The following USP34 variants were observed in gnomAD, a reference collection of about 807,000 sequenced individuals.
USP34 encodes the protein ubiquitin specific peptidase 34, also known as ubiquitin carboxyl-terminal hydrolase 34.
A neutral mutation model predicts 460.3 loss-of-function variants in USP34; 70 were observed. That is an observed-to-expected ratio of 0.15 (90% confidence interval 0.13 to 0.19). USP34 has a LOEUF of 0.19. USP34 is among the 10% of genes least tolerant of loss of function. USP34 has a pLI of 1.00. For synonymous variants in USP34, 1,647 were observed against 1,405.3 expected, an observed-to-expected ratio of 1.17 and a Z score of -3.85; for missense variants, 3,985 against 4,236.2, an observed-to-expected ratio of 0.94 and a Z score of 1.65.
chr2:61,279,992 CG>C, intron 39 of USP34, among the ~76,000 whole-genome samples: 1 of 152,204 alleles, frequency 6.6e-6, no homozygotes, highest in South Asian at 2.1e-4. Context: ...GTTACATCCA[CG>C]TATCTTACTG....
At chr2:61,190,033 T>G (rs1686583394) in intron 78 of USP34, 3 of 402,900 alleles carry the variant, frequency 7.4e-6, no homozygotes, top group Admixed American at 4.2e-5. Context: ...CACTAAGATG[T>G]TCCCTTTATT....
At chr2:61,353,121 T>C (rs1256161633) in intron 10 of USP34, among the ~76,000 whole-genome samples, 1 of 152,162 alleles carries the variant, frequency 6.6e-6, no homozygotes, top group Non-Finnish European at 1.5e-5. Flanking sequence ...ACAATACAGG[T>C]TTCTGGTACA....
At chr2:61,268,345 T>TC (rs1689114055) in intron 41 of USP34, among the ~76,000 whole-genome samples, 1 of 149,474 alleles carries the variant, frequency 6.7e-6, no homozygotes, top group African/African-American at 2.5e-5. Context: ...TGAGAGGTGT[T>TC]CGAGTCATCA....
intron 27 of USP34, among the ~76,000 whole-genome samples, chr2:61,304,286 T>C (rs1690333143): frequency 6.6e-6 from 1 of 152,206 alleles, no homozygotes; most frequent in South Asian, 2.1e-4. Flanking sequence ...CTCTCAGTCA[T>C]GATTAATTGC....
chr2:61,194,331 A>T, intron 75 of USP34: 2 of 981,714 alleles, frequency 2.0e-6, no homozygotes, highest in Non-Finnish European at 2.4e-6. Context: ...ACACATAGGT[A>T]AACAAGGACA....
At chr2:61,327,710 G>A (rs1357836487) in intron 20 of USP34, among the ~76,000 whole-genome samples, 6 of 152,050 alleles carry the variant, frequency 3.9e-5, no homozygotes, top group African/African-American at 7.2e-5. Context: ...GTATAGCCCC[G>A]ATGCTGCACT....
intron 43 of USP34, 86 bp from the exon 44 acceptor site, chr2:61,259,862 C>T (rs1359225528): frequency 2.1e-5 from 25 of 1,212,200 alleles, no homozygotes; most frequent in Non-Finnish European, 3.0e-5. Flanking sequence ...TTGCAATGTA[C>T]ACTGTATCTG....
intron 27 of USP34, among the ~76,000 whole-genome samples, chr2:61,307,794 T>C (rs533173290): frequency 6.6e-6 from 1 of 151,964 alleles, no homozygotes; most frequent in African/African-American, 2.4e-5. Context: ...ACCCCTGTAA[T>C]CCAAGGACTT....
rs988888326 is a variant in USP34, at chr2:61,213,660, T to C, written c.8682+400A>G. On this transcript the variant is annotated intron_variant, in intron 68 of 79. Coordinates refer to ENST00000398571, the MANE Select transcript of USP34 (RefSeq NM_014709.4). ...TGCGGAATACTACTAGTTTTAGATA[T>C]AAAATTGTCTAGCTCACAGTTTACC... Among the ~76,000 whole-genome samples, 5 of 152,234 alleles carry C rather than the reference T, an allele frequency of 3.3e-5. No homozygotes were observed. In the East Asian group the frequency reaches 9.6e-4, roughly 29 times the overall value.
At chr2:61,376,645 T>TTA (rs1692806861) in intron 8 of USP34, among the ~76,000 whole-genome samples, 2 of 152,272 alleles carry the variant, frequency 1.3e-5, no homozygotes, top group South Asian at 4.1e-4. Context: ...AGGTTTATTT[T>TTA]GTTTGTTTTG....
At chr2:61,267,574 C>T (rs1325737759) in intron 41 of USP34, among the ~76,000 whole-genome samples, 1 of 151,616 alleles carries the variant, frequency 6.6e-6, no homozygotes, top group Non-Finnish European at 1.5e-5. Context: ...TCCCAAGTAG[C>T]TGGGATTACA....
intron 48 of USP34, among the ~76,000 whole-genome samples, chr2:61,250,050 C>A (rs886264033): frequency 6.6e-6 from 1 of 152,066 alleles, no homozygotes. Context: ...GAGTTCGAGA[C>A]CATTCTGGCC....
At chr2:61,445,552 A>G (rs2104040783) in intron 1 of USP34, among the ~76,000 whole-genome samples, 1 of 139,692 alleles carries the variant, frequency 7.2e-6, no homozygotes, top group East Asian at 2.2e-4. Flanking sequence ...AAAAAAAAAA[A>G]TTGCTAAGAG....
chr2:61,413,023 A>G (rs544047854), intron 2 of USP34, among the ~76,000 whole-genome samples: 13 of 152,232 alleles, frequency 8.5e-5, no homozygotes, highest in Non-Finnish European at 1.6e-4. Context: ...TTCACAACCA[A>G]AAGGCCCACC....
At chr2:61,239,460 G>A (rs1441928959) in intron 53 of USP34, among the ~76,000 whole-genome samples, 1 of 152,026 alleles carries the variant, frequency 6.6e-6, no homozygotes, top group Non-Finnish European at 1.5e-5. Flanking sequence ...ATTAAACACT[G>A]TTGGGTACTT....
At chr2:61,327,322 A>G (rs1193742498) in intron 20 of USP34, among the ~76,000 whole-genome samples, 1 of 152,250 alleles carries the variant, frequency 6.6e-6, no homozygotes, top group Non-Finnish European at 1.5e-5. Flanking sequence ...TGTGAAAGTG[A>G]AAATACATAT....
At chr2:61,371,550 G>A (rs1001699065) in intron 8 of USP34, among the ~76,000 whole-genome samples, 26 of 151,736 alleles carry the variant, frequency 1.7e-4, no homozygotes, top group Admixed American at 1.3e-4. Context: ...TATTATAAGA[G>A]TCAAAACGTT....
chr2:61,312,211 G>C (rs1314741911), intron 25 of USP34, among the ~76,000 whole-genome samples: 3 of 149,094 alleles, frequency 2.0e-5, no homozygotes, highest in South Asian at 4.2e-4. Context: ...ATTAATAGGA[G>C]AGATAGGAGG....
At chr2:61,322,573 C>T (rs1317752212) in intron 21 of USP34, among the ~76,000 whole-genome samples, 1 of 152,138 alleles carries the variant, frequency 6.6e-6, no homozygotes, top group Non-Finnish European at 1.5e-5. Flanking sequence ...TGCCCTAGAA[C>T]CAGAAGGGGC....
Sources: allele counts gnomAD v4.1 joint callset (sites outside exome capture counted in the v4.1 genomes callset), GRCh38; gene constraint gnomAD v4.1.1; transcripts MANE v1.5; gene names NCBI Gene and HGNC (gene_info 2026-07-23, HGNC 2026-07-21).